The following ARHGAP10 variants were observed in gnomAD, a reference collection of about 807,000 sequenced individuals.
ARHGAP10 encodes the protein rho GTPase-activating protein 10.
ARHGAP10 carries 87 observed loss-of-function variants against 108.6 expected under a neutral mutation model. That is an observed-to-expected ratio of 0.80 (90% CI 0.67 to 0.96). The LOEUF (loss-of-function observed/expected upper bound fraction) is 0.96, where lower values mean the gene tolerates loss of function less well. Among genes scored for constraint, ARHGAP10 ranks in the 40% least tolerant of loss-of-function variants. The probability of loss-of-function intolerance (pLI) is 0.00; values close to 1 mark genes in which losing one functional copy is unlikely to be tolerated. For synonymous variants in ARHGAP10, 347 were observed against 341.1 expected (o/e 1.02, Z -0.19); for missense variants, 939 against 954.5 (o/e 0.98, Z 0.21).
chr4:147,850,998 G>A (rs1733858511), intron 4 of ARHGAP10, among the ~76,000 whole-genome samples: 1 of 152,050 alleles, frequency 6.6e-6, no homozygotes, highest in Non-Finnish European at 1.5e-5. Flanking sequence ...TTGCTTTTTT[G>A]GACATTTGAC....
rs369503939 is a variant in ARHGAP10 at position 147,955,342 on chromosome 4, A to G, written c.1418A>G (p.Tyr473Cys). ...LRSLPEPLMT[Y>C]ELHGDFIVPA... ...AGTCTTCCAGAGCCTCTCATGACCTATGAGTTACATGGAGATTTCATTGTT... is the reference window on the plus strand; with the variant it reads ...AGTCTTCCAGAGCCTCTCATGACCTGTGAGTTACATGGAGATTTCATTGTT... Residue 473 changes from tyrosine (Y) to cysteine (C), a missense_variant, in exon 16 of 23, where the codon TAT (tyrosine) becomes TGT (cysteine). Coordinates refer to ENST00000336498, the MANE Select transcript of ARHGAP10 (RefSeq NM_024605.4). The G allele has an allele frequency of 1.7e-4, 275 of 1,611,488 alleles. No individual in the cohort carries two copies. The highest frequency in any genetic ancestry group is 2.2e-4 in the Non-Finnish European group (263 of 1,178,172).
chr4:147,827,462 C>A (rs1420004576), intron 3 of ARHGAP10, among the ~76,000 whole-genome samples: 1 of 152,148 alleles, frequency 6.6e-6, no homozygotes, highest in Non-Finnish European at 1.5e-5. Context: ...GTGGGCAGCC[C>A]CTAAGCTTGT....
At chr4:148,061,387 T>G (rs545223302) in intron 20 of ARHGAP10, among the ~76,000 whole-genome samples, 1 of 152,248 alleles carries the variant, frequency 6.6e-6, no homozygotes, top group Non-Finnish European at 1.5e-5. Flanking sequence ...GGCCTTAATT[T>G]CCTGCCAGGG....
intron 1 of ARHGAP10, among the ~76,000 whole-genome samples, chr4:147,745,632 C>T (rs1274209400): frequency 1.3e-5 from 2 of 152,122 alleles, no homozygotes; most frequent in Non-Finnish European, 2.9e-5. Flanking sequence ...GCTGGGACTA[C>T]AGGCGCCCAC....
intron 13 of ARHGAP10, among the ~76,000 whole-genome samples, chr4:147,915,933 G>A (rs990194582): frequency 3.3e-5 from 5 of 152,014 alleles, no homozygotes; most frequent in African/African-American, 9.7e-5. Context: ...GCATGACCCT[G>A]TCTGTATAAA....
intron 15 of ARHGAP10, among the ~76,000 whole-genome samples, chr4:147,953,702 G>C (rs1180821603): frequency 6.6e-6 from 1 of 151,786 alleles, no homozygotes; most frequent in East Asian, 1.9e-4. Context: ...TAAAAGATAT[G>C]GTTTTGGATT....
chr4:148,054,601 C>T (rs1280588511), intron 20 of ARHGAP10, among the ~76,000 whole-genome samples: 1 of 152,122 alleles, frequency 6.6e-6, no homozygotes, highest in Non-Finnish European at 1.5e-5. Context: ...TAGATGTTGA[C>T]CTGAAGTTGT....
chr4:147,928,082 A>T (rs1442243168), intron 13 of ARHGAP10, among the ~76,000 whole-genome samples: 2 of 152,236 alleles, frequency 1.3e-5, no homozygotes. Flanking sequence ...AGCCACCTGT[A>T]GTATACAGTC....
chr4:147,804,654 T>G (rs1731711289), intron 1 of ARHGAP10, among the ~76,000 whole-genome samples: 1 of 152,216 alleles, frequency 6.6e-6, no homozygotes, highest in African/African-American at 2.4e-5. Context: ...GCATTTGTTA[T>G]TTTTTGACTT....
At chr4:147,747,795 A>G (rs1197330233) in intron 1 of ARHGAP10, among the ~76,000 whole-genome samples, 1 of 150,000 alleles carries the variant, frequency 6.7e-6, no homozygotes, top group Non-Finnish European at 1.5e-5. Flanking sequence ...GAAGCAAAAG[A>G]AAAAAAAAAG....
chr4:147,900,114 T>C (rs534357652), intron 10 of ARHGAP10, among the ~76,000 whole-genome samples: 7 of 152,202 alleles, frequency 4.6e-5, no homozygotes, highest in Non-Finnish European at 8.8e-5. Flanking sequence ...GCCTGTCTTC[T>C]ACATGGTTTG....
intron 8 of ARHGAP10, among the ~76,000 whole-genome samples, chr4:147,877,650 G>T (rs959517375): frequency 6.6e-6 from 1 of 152,000 alleles, no homozygotes; most frequent in African/African-American, 2.4e-5. Context: ...GACTTTTATT[G>T]GCATGTGAAG....
intron 1 of ARHGAP10, among the ~76,000 whole-genome samples, chr4:147,812,258 G>GA (rs1352661124): frequency 6.6e-6 from 1 of 152,080 alleles, no homozygotes; most frequent in Non-Finnish European, 1.5e-5. Flanking sequence ...ACATCTCTTT[G>GA]AAAAATGGGG....
chr4:147,778,586 T>C (rs1730402778), intron 1 of ARHGAP10, among the ~76,000 whole-genome samples: 1 of 152,220 alleles, frequency 6.6e-6, no homozygotes, highest in Admixed American at 6.5e-5. Flanking sequence ...GTAGTAAATA[T>C]GCACGTGTTC....
At chr4:147,998,783 A>G (rs1407077353) in intron 18 of ARHGAP10, among the ~76,000 whole-genome samples, 6 of 152,378 alleles carry the variant, frequency 3.9e-5, no homozygotes, top group South Asian at 2.1e-4. Context: ...CCATACTTCA[A>G]TGAAACAGAA....
intron 1 of ARHGAP10, among the ~76,000 whole-genome samples, chr4:147,740,983 C>T (rs1578987060): frequency 6.6e-6 from 1 of 152,242 alleles, no homozygotes; most frequent in East Asian, 1.9e-4. Context: ...AATGTGTTTG[C>T]ATGTGTTTAA....
chr4:148,004,527 C>G (rs946780686), intron 18 of ARHGAP10, among the ~76,000 whole-genome samples: 1 of 152,084 alleles, frequency 6.6e-6, no homozygotes, highest in Non-Finnish European at 1.5e-5. Context: ...TTGTCTTAGA[C>G]CAGAGAGAGA....
At chr4:147,818,290 G>A (rs762431034) in intron 1 of ARHGAP10, among the ~76,000 whole-genome samples, 7 of 151,976 alleles carry the variant, frequency 4.6e-5, no homozygotes, top group Admixed American at 3.3e-4. Flanking sequence ...GTTAGGCTGG[G>A]CGCGGTGGCT....
At chr4:148,015,662 G>A (rs1411408428) in intron 18 of ARHGAP10, among the ~76,000 whole-genome samples, 1 of 152,322 alleles carries the variant, frequency 6.6e-6, no homozygotes, top group Admixed American at 6.5e-5. Flanking sequence ...TGTTCACGTG[G>A]TAGCTACTCT....
Sources: gnomAD v4.1 joint callset for allele counts (sites outside exome capture counted in the v4.1 genomes callset) on GRCh38, gnomAD v4.1.1 for gene constraint, MANE v1.5 for transcripts, NCBI Gene and HGNC (gene_info 2026-07-23, HGNC 2026-07-21) for gene names.